Variants in HDAC8 observed in about 807,000 individuals in gnomAD.
HDAC8 encodes the protein histone deacetylase 8, also known as histone deacetylase-like 1.
Under a neutral mutation model 32.2 loss-of-function variants are expected in HDAC8, and 1 was observed. The ratio of observed to expected loss-of-function variants is 0.03; its 90% CI spans 0.01 to 0.15. The LOEUF (loss-of-function observed/expected upper bound fraction) is 0.15, where lower values mean the gene tolerates loss of function less well. Ranked by LOEUF, HDAC8 falls within the 10% of genes least tolerant of loss-of-function variation. The probability of loss-of-function intolerance (pLI) is 1.00; values close to 1 mark genes in which losing one functional copy is unlikely to be tolerated. For synonymous variants in HDAC8, 108 were observed against 113.9 expected (o/e 0.95, Z 0.33); for missense variants, 117 against 300.0 (o/e 0.39, Z 4.51).
Position 72,423,591 on chromosome X carries a change from TGAC to T in HDAC8, c.1005+38410_1005+38412del, listed in dbSNP as rs1335291784. On this transcript the variant is annotated intron_variant, in intron 9 of 10. Transcript: ENST00000373573. The stretch of plus-strand genomic sequence containing the variant: ...TTAACATTCAATGTTTAAATTATGA[TGAC>T]AACAAATACTGTTCACAGCTCAGCT... 1.8e-4 allele frequency among the ~76,000 whole-genome samples: 20 copies of T among 112,548 alleles called. No homozygotes were observed. In the Admixed American group the frequency reaches 1.8e-3, roughly 10 times the overall value.
At chrX:72,561,754 T>G (rs2051569833) in intron 4 of HDAC8, among the ~76,000 whole-genome samples, 1 of 111,064 alleles carries the variant, frequency 9.0e-6, no homozygotes, top group African/African-American at 3.3e-5. Flanking sequence ...ACCCACAGAG[T>G]GGGAGAAAAT....
chrX:72,435,239 C>T (rs782676276), intron 9 of HDAC8, among the ~76,000 whole-genome samples: 39 of 111,955 alleles, frequency 3.5e-4, no homozygotes, highest in Non-Finnish European at 4.5e-4. Flanking sequence ...GTCACATTTA[C>T]GTGTATTTTG....
At chrX:72,381,152 C>G (rs1253231573) in intron 9 of HDAC8, among the ~76,000 whole-genome samples, 1 of 112,009 alleles carries the variant, frequency 8.9e-6, no homozygotes, top group African/African-American at 3.2e-5. Context: ...ATTTAACAAG[C>G]CCTAGGTAAT....
intron 7 of HDAC8, among the ~76,000 whole-genome samples, chrX:72,485,522 A>G (rs1556005281): frequency 9.0e-6 from 1 of 111,122 alleles, no homozygotes; most frequent in African/African-American, 3.3e-5. Context: ...AAAAGGCTAC[A>G]GCAGAGGAAA....
intron 7 of HDAC8, chrX:72,473,897 G>C (rs1466533781): frequency 2.7e-6 from 2 of 751,271 alleles, no homozygotes; most frequent in African/African-American, 4.6e-5. Flanking sequence ...GCTCTTCCGT[G>C]ATGTGGTTCC....
intron 9 of HDAC8, among the ~76,000 whole-genome samples, chrX:72,405,557 T>C (rs1370261272): frequency 8.9e-6 from 1 of 112,529 alleles, no homozygotes; most frequent in Non-Finnish European, 1.9e-5. Context: ...ACCACAATGG[T>C]TGAACTAATT....
chrX:72,512,670 C>T (rs190718668), intron 4 of HDAC8, among the ~76,000 whole-genome samples: 205 of 110,739 alleles, frequency 1.9e-3, no homozygotes, highest in African/African-American at 6.2e-3. Context: ...GTTGGCCAAA[C>T]GTTGCAGAGC....
intron 9 of HDAC8, among the ~76,000 whole-genome samples, chrX:72,386,223 A>G (rs2045422112): frequency 8.9e-6 from 1 of 112,261 alleles, no homozygotes; most frequent in African/African-American, 3.2e-5. Context: ...AGGAGAAAAA[A>G]TATTGAATGA....
intron 10 of HDAC8, among the ~76,000 whole-genome samples, chrX:72,340,665 T>C (rs1281625394): frequency 8.9e-6 from 1 of 111,736 alleles, no homozygotes; most frequent in Non-Finnish European, 1.9e-5. Flanking sequence ...AGCTTCTAGG[T>C]GCTTCCTGGA....
chrX:72,414,072 A>G (rs887987476), intron 9 of HDAC8, among the ~76,000 whole-genome samples: 4 of 112,067 alleles, frequency 3.6e-5, no homozygotes, highest in Admixed American at 2.8e-4. Flanking sequence ...TGGGTTATCT[A>G]TTGGTAAGTG....
At chrX:72,466,285 T>G (rs2048015107) in intron 7 of HDAC8, among the ~76,000 whole-genome samples, 1 of 111,936 alleles carries the variant, frequency 8.9e-6, no homozygotes, top group African/African-American at 3.2e-5. Flanking sequence ...GTGCCCAGCA[T>G]GTAACTGTAC....
chrX:72,553,696 C>T (rs1440501345), intron 4 of HDAC8, among the ~76,000 whole-genome samples: 2 of 111,702 alleles, frequency 1.8e-5, no homozygotes, highest in Non-Finnish European at 3.8e-5. Context: ...CCACAGTTGG[C>T]CCCATGGAAC....
At chrX:72,417,387 T>A (rs1393436896) in intron 9 of HDAC8, among the ~76,000 whole-genome samples, 6 of 111,808 alleles carry the variant, frequency 5.4e-5, no homozygotes, top group Non-Finnish European at 1.1e-4. Flanking sequence ...CAGCAAGGCT[T>A]CAAGATACAA....
chrX:72,565,963 A>T (rs1017139165), intron 4 of HDAC8, among the ~76,000 whole-genome samples: 5 of 110,813 alleles, frequency 4.5e-5, no homozygotes, highest in African/African-American at 1.6e-4. Flanking sequence ...CCTGGGCAAC[A>T]TAGCAAGACC....
intron 9 of HDAC8, among the ~76,000 whole-genome samples, chrX:72,397,895 T>G (rs1352931999): frequency 3.6e-5 from 4 of 112,367 alleles, no homozygotes; most frequent in African/African-American, 6.5e-5. Flanking sequence ...TTTCTAGTTT[T>G]CTTGCTATTC....
At chrX:72,403,408 A>C (rs1485379018) in intron 9 of HDAC8, among the ~76,000 whole-genome samples, 1 of 112,233 alleles carries the variant, frequency 8.9e-6, no homozygotes, top group Non-Finnish European at 1.9e-5. Flanking sequence ...TAGACACTTT[A>C]CCTAGCTTCA....
chrX:72,330,697 C>A (rs1243115756), intron 10 of HDAC8: 1 of 110,726 alleles, frequency 9.0e-6, no homozygotes, highest in Non-Finnish European at 1.9e-5. Flanking sequence ...TCACTTTGTC[C>A]CTCCGTAGTC....
chrX:72,380,069 T>C (rs1035816308), intron 9 of HDAC8, among the ~76,000 whole-genome samples: 3 of 111,241 alleles, frequency 2.7e-5, no homozygotes, highest in Non-Finnish European at 3.8e-5. Flanking sequence ...TTTCTGAGCA[T>C]GTGCACAGCC....
At chrX:72,487,826 A>G (rs1556006906) in intron 7 of HDAC8, among the ~76,000 whole-genome samples, 1 of 109,611 alleles carries the variant, frequency 9.1e-6, no homozygotes, top group Non-Finnish European at 1.9e-5. Flanking sequence ...GAACTGCAGG[A>G]TATCTTTATT....
Sources: allele counts gnomAD v4.1 joint callset (sites outside exome capture counted in the v4.1 genomes callset), GRCh38; gene constraint gnomAD v4.1.1; transcripts MANE v1.5; gene names NCBI Gene and HGNC (gene_info 2026-07-23, HGNC 2026-07-21).